The following SMARCAD1 variants were observed in gnomAD, a reference collection of about 807,000 sequenced individuals.
The protein encoded by SMARCAD1 is SWI/SNF-related matrix-associated actin-dependent regulator of chromatin subfamily A containing DEAD/H box 1.
Under a neutral mutation model 127.1 loss-of-function variants are expected in SMARCAD1, and 25 were observed. That is an observed-to-expected ratio of 0.20 (90% CI 0.14 to 0.27). The LOEUF is 0.27. SMARCAD1 is among the 10% of genes least tolerant of loss of function. SMARCAD1 has a pLI of 1.00. For missense variants in SMARCAD1, 807 were observed against 1,206.0 expected (o/e 0.67, Z 4.90); for synonymous variants, 400 against 396.9 (o/e 1.01, Z -0.09).
chr4:94,231,630 C>G (rs10014718), intron 3 of SMARCAD1, among the ~76,000 whole-genome samples: 1 of 151,902 alleles, frequency 6.6e-6, no homozygotes, highest in Non-Finnish European at 1.5e-5. Context: ...GCATTTCTCC[C>G]CTTAATACTG....
Position 94,273,914 on chromosome 4 carries a change from G to T in SMARCAD1, c.1672+198G>T, listed in dbSNP as rs1752898630. Among the ~76,000 whole-genome samples the T allele has an allele frequency of 2.0e-5, 3 of 152,250 alleles. No individual in the cohort carries two copies. The South Asian group carries it at 6.2e-4, about 32-fold the overall frequency. ...GATTATATTGGCAGTCTTTTAAAAAGAACTCAAATGTAAGTCAGTTTTAAA... is the reference window on the plus strand; with the variant it reads ...GATTATATTGGCAGTCTTTTAAAAATAACTCAAATGTAAGTCAGTTTTAAA... On this transcript the variant is annotated intron_variant, in intron 12 of 23. Transcript: ENST00000354268.
chr4:94,254,960 CAA>C lies in SMARCAD1; in HGVS notation c.1281+1956_1281+1957del, dbSNP rs530104035. Among the ~76,000 whole-genome samples, 597 of 152,002 alleles carry C rather than the reference CAA, an allele frequency of 3.9e-3. 2 individuals carry two copies. The Middle Eastern group carries it at 0.054, about 14-fold the overall frequency. ...AGATTTAATATCTTAATAAAATTAT[CAA>C]AAGTCAATATTATGCATATTTTTTA... On this transcript the variant is annotated intron_variant, in intron 9 of 23. Transcript: ENST00000354268.
intron 2 of SMARCAD1, among the ~76,000 whole-genome samples, chr4:94,225,397 C>T (rs967232316): frequency 6.6e-6 from 1 of 152,094 alleles, no homozygotes; most frequent in African/African-American, 2.4e-5. Context: ...TCATATTGGA[C>T]TCAGAGCCCA....
intron 22 of SMARCAD1, 151 bp downstream of exon 22, chr4:94,283,454 TC>T: frequency 1.4e-6 from 1 of 704,442 alleles, no homozygotes. Flanking sequence ...GTGTTGAACA[TC>T]AACTGCACTA....
intron 6 of SMARCAD1, among the ~76,000 whole-genome samples, chr4:94,243,261 T>C (rs1747876536): frequency 6.6e-6 from 1 of 152,214 alleles, no homozygotes; most frequent in Non-Finnish European, 1.5e-5. Flanking sequence ...AAGAATTTTT[T>C]ATAATGCCTC....
chr4:94,284,871 G>A, intron 22 of SMARCAD1, 89 bp from the exon 23 acceptor site: 2 of 820,738 alleles, frequency 2.4e-6, no homozygotes, highest in Admixed American at 4.6e-5. Flanking sequence ...AATTTTCAAA[G>A]TATTCTTTTT....
chr4:94,280,055 G>C (rs974042709), intron 19 of SMARCAD1, among the ~76,000 whole-genome samples: 20 of 151,902 alleles, frequency 1.3e-4, no homozygotes, highest in Admixed American at 3.3e-4. Context: ...AGTAGAGATG[G>C]GGTTTCACCA....
rs1225859271 is a variant in SMARCAD1, at chr4:94,290,508, G to T, written c.*974G>T. 2.2e-6 allele frequency: 1 copy of T among 454,350 alleles called. No homozygotes were observed. The highest frequency in any genetic ancestry group is 2.0e-5 in the African/African-American group (1 of 49,984). 28.1% of individuals were successfully genotyped at this position (454,350 alleles called of 1,614,324 possible). ...TCATCTAAAGGCAGCATTAGGTACT[G>T]CATGGAAATAGGTCATTAACTTGAA... On this transcript the variant is annotated 3_prime_UTR_variant, in exon 24 of 24. Coordinates refer to ENST00000354268, the MANE Select transcript of SMARCAD1 (RefSeq NM_020159.5).
chr4:94,211,700 A>G (rs1742293056), intron 2 of SMARCAD1, among the ~76,000 whole-genome samples: 1 of 151,948 alleles, frequency 6.6e-6, no homozygotes, highest in Non-Finnish European at 1.5e-5. Flanking sequence ...CCACCACCAC[A>G]TTGTTTCTTG....
At chr4:94,283,824 TCAAAA>T (rs922170541) in intron 22 of SMARCAD1, among the ~76,000 whole-genome samples, 2 of 151,736 alleles carry the variant, frequency 1.3e-5, no homozygotes, top group Admixed American at 1.3e-4. Context: ...AGACTCCATC[TCAAAA>T]CAAACAAACA....
chr4:94,278,127 A>G (rs192210606), intron 16 of SMARCAD1, among the ~76,000 whole-genome samples: 136 of 152,312 alleles, frequency 8.9e-4, no homozygotes, highest in African/African-American at 3.1e-3. Flanking sequence ...TATCTAGGTA[A>G]TCGATACATG....
At chr4:94,272,447 A>G (rs1035450412) in intron 11 of SMARCAD1, among the ~76,000 whole-genome samples, 4 of 152,224 alleles carry the variant, frequency 2.6e-5, no homozygotes, top group African/African-American at 9.6e-5. Context: ...GACTTTTTAC[A>G]TATATGTACA....
At chr4:94,282,091 C>T (rs1322676550) in intron 21 of SMARCAD1, among the ~76,000 whole-genome samples, 5 of 1,162 alleles carry the variant, frequency 4.3e-3, no homozygotes, top group Non-Finnish European at 8.1e-3. Flanking sequence ...CATGCAAATA[C>T]GTTTTTTTGT....
chr4:94,226,468 A>G (rs1297605332), intron 3 of SMARCAD1, among the ~76,000 whole-genome samples, 172 bp downstream of exon 3: 4 of 130,638 alleles, frequency 3.1e-5, no homozygotes, highest in African/African-American at 8.8e-5. Context: ...ACTTATAGTC[A>G]TGGAGAGGTA....
chr4:94,235,018 A>G (rs1412298042), intron 4 of SMARCAD1, among the ~76,000 whole-genome samples: 1 of 152,148 alleles, frequency 6.6e-6, no homozygotes, highest in Non-Finnish European at 1.5e-5. Context: ...AGATTTTTCA[A>G]ATAAAGCCAT....
At chr4:94,288,347 C>T (rs1176565588) in intron 23 of SMARCAD1, among the ~76,000 whole-genome samples, 3 of 152,116 alleles carry the variant, frequency 2.0e-5, no homozygotes, top group Non-Finnish European at 4.4e-5. Context: ...TTAGTATCTT[C>T]AAGTTTAAAA....
In SMARCAD1 at chr4:94,287,238, C is replaced by T. The variant is rs570006299; in HGVS notation, c.3019+2169C>T. On this transcript the variant is annotated intron_variant, in intron 23 of 23. Coordinates refer to ENST00000354268, the MANE Select transcript of SMARCAD1 (RefSeq NM_020159.5). Reference sequence around the variant, plus strand: ...GATGTAATGGCGTCTCTTATTTACTCGTTTAGCTGTAATCATTTGTCTTCA... The same window carrying T: ...GATGTAATGGCGTCTCTTATTTACTTGTTTAGCTGTAATCATTTGTCTTCA... Among the ~76,000 whole-genome samples the T allele has an allele frequency of 2.9e-4, 44 of 152,258 alleles. No homozygotes were observed. In the South Asian group the frequency reaches 5.6e-3, roughly 19 times the overall value.
At chr4:94,244,469 C>T (rs186443332) in intron 6 of SMARCAD1, among the ~76,000 whole-genome samples, 6 of 152,290 alleles carry the variant, frequency 3.9e-5, no homozygotes, top group South Asian at 2.1e-4. Flanking sequence ...CTGTTATGAA[C>T]GCATGCCTCG....
At chr4:94,228,324 C>T (rs1745324807) in intron 3 of SMARCAD1, among the ~76,000 whole-genome samples, 2 of 152,152 alleles carry the variant, frequency 1.3e-5, no homozygotes, top group Admixed American at 6.5e-5. Context: ...CCCACAATTG[C>T]ATTATCACTC....
Sources: allele counts gnomAD v4.1 joint callset (sites outside exome capture counted in the v4.1 genomes callset), GRCh38; gene constraint gnomAD v4.1.1; transcripts MANE v1.5; gene names NCBI Gene and HGNC (gene_info 2026-07-23, HGNC 2026-07-21).